Variants in DLG2 observed in about 807,000 individuals in gnomAD.
DLG2 encodes the protein disks large homolog 2.
Under a neutral mutation model 132.5 loss-of-function variants are expected in DLG2, and 45 were observed. That is an observed-to-expected ratio of 0.34 (90% CI 0.27 to 0.44). The LOEUF is 0.44. Ranked by LOEUF, DLG2 falls within the 20% of genes least tolerant of loss-of-function variation. DLG2 has a pLI of 1.00. For synonymous variants in DLG2, 424 were observed against 419.6 expected, an observed-to-expected ratio of 1.01 and a Z score of -0.13; for missense variants, 1,045 against 1,196.9, an observed-to-expected ratio of 0.87 and a Z score of 1.87.
chr11:84,959,702 A>G (rs1013392674), intron 6 of DLG2, among the ~76,000 whole-genome samples: 3 of 152,220 alleles, frequency 2.0e-5, no homozygotes, highest in Non-Finnish European at 4.4e-5. Context: ...AGATTATAAT[A>G]TTAATCACTT....
intron 3 of DLG2, among the ~76,000 whole-genome samples, chr11:85,439,733 G>A (rs2091681865): frequency 6.6e-6 from 1 of 152,086 alleles, no homozygotes; most frequent in African/African-American, 2.4e-5. Context: ...AGATATATGT[G>A]TGAAACAAAA....
chr11:84,918,824 T>C (rs1475034748), intron 6 of DLG2, among the ~76,000 whole-genome samples: 1 of 152,140 alleles, frequency 6.6e-6, no homozygotes, highest in Non-Finnish European at 1.5e-5. Context: ...TAACCAGCAT[T>C]AAGATAAACA....
chr11:85,111,474 C>T (rs1410134559), intron 6 of DLG2, among the ~76,000 whole-genome samples, 187 bp downstream of exon 6: 1 of 152,122 alleles, frequency 6.6e-6, no homozygotes. Context: ...CAACAAAATG[C>T]ATGGAATCCC....
At chr11:84,890,190 T>G (rs1403060785) in intron 6 of DLG2, among the ~76,000 whole-genome samples, 3 of 152,182 alleles carry the variant, frequency 2.0e-5, no homozygotes, top group Admixed American at 6.5e-5. Context: ...ATTGTTGCAG[T>G]TTTTATCTAA....
intron 11 of DLG2, among the ~76,000 whole-genome samples, chr11:84,058,622 G>A (rs917853976): frequency 2.6e-5 from 4 of 151,392 alleles, no homozygotes; most frequent in Middle Eastern, 3.5e-3. Flanking sequence ...AGGAGCTTGA[G>A]GCTTCAATGA....
chr11:84,869,222 G>C (rs2085091367), intron 6 of DLG2, among the ~76,000 whole-genome samples: 1 of 152,158 alleles, frequency 6.6e-6, no homozygotes, highest in Non-Finnish European at 1.5e-5. Flanking sequence ...GGGCTTTATA[G>C]GCTGGAAATA....
intron 15 of DLG2, among the ~76,000 whole-genome samples, chr11:83,881,047 T>TTTA (rs1491308928): frequency 6.6e-6 from 1 of 151,830 alleles, no homozygotes; most frequent in East Asian, 1.9e-4. Flanking sequence ...TCCATTTTTT[T>TTTA]AAAAAAAATG....
In DLG2 at chr11:85,412,760, C is replaced by CACACACATAT. The variant is rs756868795; in HGVS notation, c.41-127396_41-127395insATATGTGTGT. Among the ~76,000 whole-genome samples the CACACACATAT allele has an allele frequency of 5.4e-3, 609 of 113,174 alleles. 4 individuals are homozygous for CACACACATAT. Among genetic ancestry groups the CACACACATAT allele is most frequent in the African/African-American group, 0.015 (398 of 26,988 alleles). 74.2% of individuals were successfully genotyped at this position (113,174 alleles called of 152,430 possible). On this transcript the variant is annotated intron_variant, in intron 3 of 27. Coordinates refer to ENST00000376104, the MANE Select transcript of DLG2 (RefSeq NM_001142699.3). The stretch of plus-strand genomic sequence containing the variant: ...ACACACACACACACACACACACACA[C>CACACACATAT]ATATATATATATATATATATATATA...
At chr11:84,502,196 C>T (rs372465710) in intron 7 of DLG2, among the ~76,000 whole-genome samples, 1,343 of 12,662 alleles carry the variant, frequency 0.11, 348 homozygotes, top group African/African-American at 0.29. Flanking sequence ...TTCTCTCTCT[C>T]TCTCTCCTTC....
intron 6 of DLG2, among the ~76,000 whole-genome samples, chr11:84,968,011 T>A (rs148717948): frequency 2.1e-3 from 315 of 152,224 alleles, no homozygotes; most frequent in African/African-American, 7.2e-3. Flanking sequence ...AGAAGCAACT[T>A]TTAGACAATC....
intron 6 of DLG2, among the ~76,000 whole-genome samples, chr11:85,051,448 C>A (rs947757071): frequency 5.3e-5 from 8 of 152,082 alleles, no homozygotes; most frequent in Non-Finnish European, 8.8e-5. Context: ...ATTAATTTAT[C>A]AATTCACTCA....
intron 11 of DLG2, among the ~76,000 whole-genome samples, chr11:84,017,665 A>G (rs1247717610): frequency 2.0e-5 from 3 of 152,092 alleles, no homozygotes; most frequent in Non-Finnish European, 1.5e-5. Flanking sequence ...ATTTTCTTTT[A>G]GAAAGTAGCT....
chr11:85,140,198 A>C (rs964954579), intron 5 of DLG2, among the ~76,000 whole-genome samples: 2 of 151,966 alleles, frequency 1.3e-5, no homozygotes, highest in African/African-American at 2.4e-5. Flanking sequence ...TTGCTGGGTC[A>C]TACAGTGTTG....
At chr11:84,591,459 G>C (rs2099543169) in intron 6 of DLG2, among the ~76,000 whole-genome samples, 2 of 151,826 alleles carry the variant, frequency 1.3e-5, no homozygotes, top group African/African-American at 4.8e-5. Context: ...TTGGGGTCAG[G>C]AGTTTGAGAC....
rs1055847871 is a variant in DLG2, at chr11:85,262,830, G to C, written c.186+22390C>G. 3.9e-5 allele frequency among the ~76,000 whole-genome samples: 6 copies of C among 152,072 alleles called. 1 individual carries two copies. The highest frequency in any genetic ancestry group is 8.8e-5 in the Non-Finnish European group (6 of 68,034). Reference sequence around the variant, plus strand: ...CCCAGTTCATCTGCATCTCATTATGGAGCCACGAGAATAAGCAGCCCAACC... The same window carrying C: ...CCCAGTTCATCTGCATCTCATTATGCAGCCACGAGAATAAGCAGCCCAACC... On this transcript the variant is annotated intron_variant, in intron 4 of 27. Transcript: ENST00000376104.
intron 3 of DLG2, among the ~76,000 whole-genome samples, chr11:85,584,248 G>C (rs1565719437): frequency 6.6e-6 from 1 of 151,952 alleles, no homozygotes; most frequent in Admixed American, 6.6e-5. Flanking sequence ...CCATTCCTGA[G>C]TTACTTCACT....
chr11:83,699,964 C>CACACACAA (rs1332813357), intron 18 of DLG2, among the ~76,000 whole-genome samples: 3 of 150,518 alleles, frequency 2.0e-5, no homozygotes, highest in African/African-American at 7.3e-5. Flanking sequence ...CACACACACA[C>CACACACAA]AAATACAGTT....
At chr11:84,310,434 T>TTA (rs2098274877) in intron 7 of DLG2, among the ~76,000 whole-genome samples, 1 of 152,216 alleles carries the variant, frequency 6.6e-6, no homozygotes, top group Admixed American at 6.5e-5. Flanking sequence ...GTCTCACACA[T>TTA]TGTGAACATG....
chr11:83,891,302 A>G (rs1440490757), intron 15 of DLG2, among the ~76,000 whole-genome samples: 1 of 152,172 alleles, frequency 6.6e-6, no homozygotes, highest in Non-Finnish European at 1.5e-5. Flanking sequence ...CATGAGGGTA[A>G]AGAAGAGAAT....
Sources: gnomAD v4.1 joint callset for allele counts (sites outside exome capture counted in the v4.1 genomes callset) on GRCh38, gnomAD v4.1.1 for gene constraint, MANE v1.5 for transcripts, NCBI Gene and HGNC (gene_info 2026-07-23, HGNC 2026-07-21) for gene names.